ULK4: variants seen among roughly 807,000 people sequenced by gnomAD.
The protein encoded by ULK4 is unc-51 like kinase 4, also known as inactive serine/threonine-protein kinase ULK4.
Under a neutral mutation model 160.6 loss-of-function variants are expected in ULK4, and 133 were observed. That is an observed-to-expected ratio of 0.83 (90% CI 0.72 to 0.96). The LOEUF is 0.96. Ranked by LOEUF, ULK4 falls within the 40% of genes least tolerant of loss-of-function variation. The pLI, the probability that ULK4 is intolerant of heterozygous loss-of-function variation, is 0.00. For synonymous variants in ULK4, 534 were observed against 539.8 expected (o/e 0.99, Z 0.15); for missense variants, 1,580 against 1,499.5 (o/e 1.05, Z -0.89).
chr3:41,336,544 C>T (rs560640400), intron 35 of ULK4, among the ~76,000 whole-genome samples: 11 of 152,280 alleles, frequency 7.2e-5, no homozygotes, highest in East Asian at 1.9e-4. Flanking sequence ...TGGCGTAAGG[C>T]GAGAACTTGC....
intron 35 of ULK4, among the ~76,000 whole-genome samples, chr3:41,341,259 T>A (rs969834220): frequency 2.6e-5 from 4 of 152,236 alleles, no homozygotes; most frequent in African/African-American, 9.6e-5. Context: ...GAACACAGAC[T>A]GATATAGGAT....
intron 30 of ULK4, among the ~76,000 whole-genome samples, chr3:41,634,594 C>G (rs1244826748): frequency 6.6e-6 from 1 of 152,092 alleles, no homozygotes; most frequent in Non-Finnish European, 1.5e-5. Flanking sequence ...CTGCATGGTC[C>G]CTTTAGAGGA....
chr3:41,577,589 C>T (rs1034324489), intron 31 of ULK4, among the ~76,000 whole-genome samples: 1 of 150,902 alleles, frequency 6.6e-6, no homozygotes, highest in African/African-American at 2.4e-5. Flanking sequence ...CCCCCATTAA[C>T]CATCCCCACC....
Position 41,506,781 on chromosome 3 carries a change from T to TAA in ULK4, c.3227-43529_3227-43528insTT, listed in dbSNP as rs1407378193. ...GTGTGATTTAAAATATATATATATA[T>TAA]ATATATATATATATATATATATATA... is the stretch of plus-strand genomic sequence containing the variant. On this transcript the variant is annotated intron_variant, in intron 32 of 36. Transcript: ENST00000301831. 7.2e-4 allele frequency among the ~76,000 whole-genome samples: 16 copies of TAA among 22,114 alleles called. 4 individuals are homozygous for TAA. Among genetic ancestry groups the TAA allele is most frequent in the Non-Finnish European group, 1.1e-3 (8 of 7,200 alleles). The allele number at this position is 22,114 out of a possible 152,430, so 14.5% of individuals were successfully genotyped here.
intron 30 of ULK4, among the ~76,000 whole-genome samples, chr3:41,658,690 T>G (rs193025271): frequency 1.2e-3 from 177 of 151,520 alleles, no homozygotes; most frequent in Admixed American, 9.7e-3. Flanking sequence ...GGTCCAGAAA[T>G]GGTATAGACA....
intron 30 of ULK4, among the ~76,000 whole-genome samples, chr3:41,631,572 C>A (rs2033742852): frequency 6.6e-6 from 1 of 152,092 alleles, no homozygotes; most frequent in Non-Finnish European, 1.5e-5. Context: ...TACTTTCCAA[C>A]AGAATGGAGA....
chr3:41,753,560 A>G (rs1384059093), intron 22 of ULK4, among the ~76,000 whole-genome samples: 3 of 152,312 alleles, frequency 2.0e-5, no homozygotes, highest in Middle Eastern at 6.8e-3. Flanking sequence ...CTTTTAGAGC[A>G]AAGAGTTACA....
chr3:41,780,716 T>C (rs1027568071), intron 21 of ULK4, among the ~76,000 whole-genome samples: 1 of 152,174 alleles, frequency 6.6e-6, no homozygotes, highest in Non-Finnish European at 1.5e-5. Flanking sequence ...AGAGTTTCCA[T>C]AGAAACCAGA....
At chr3:41,811,890 T>C (rs1004991254) in intron 19 of ULK4, among the ~76,000 whole-genome samples, 7 of 152,228 alleles carry the variant, frequency 4.6e-5, no homozygotes, top group African/African-American at 1.7e-4. Context: ...TGTATTAAAG[T>C]AATTTTCAGT....
intron 22 of ULK4, among the ~76,000 whole-genome samples, chr3:41,732,919 G>A (rs939844288): frequency 6.6e-6 from 1 of 152,110 alleles, no homozygotes; most frequent in Non-Finnish European, 1.5e-5. Flanking sequence ...AATAGAAATA[G>A]AGAAGAGAAT....
At chr3:41,456,033 C>T (rs2125872218) in intron 33 of ULK4, among the ~76,000 whole-genome samples, 1 of 152,304 alleles carries the variant, frequency 6.6e-6, no homozygotes, top group South Asian at 2.1e-4. Context: ...ACTCAGCCTC[C>T]TGAGTAGCTA....
intron 35 of ULK4, among the ~76,000 whole-genome samples, chr3:41,385,523 TTA>T (rs2081786562): frequency 6.6e-6 from 1 of 152,040 alleles, no homozygotes; most frequent in African/African-American, 2.4e-5. Flanking sequence ...CAGAGTGAAA[TTA>T]TGTCTCTAAA....
intron 35 of ULK4, among the ~76,000 whole-genome samples, chr3:41,268,112 A>C (rs1415565225): frequency 6.6e-6 from 1 of 152,218 alleles, no homozygotes. Flanking sequence ...TCTAATGGGT[A>C]GAGCCAGAAA....
At chr3:41,357,445 C>T (rs2125768724) in intron 35 of ULK4, among the ~76,000 whole-genome samples, 1 of 152,246 alleles carries the variant, frequency 6.6e-6, no homozygotes, top group Non-Finnish European at 1.5e-5. Context: ...GAACACCCCA[C>T]AGCCTAAGAG....
chr3:41,484,373 G>C (rs909349050), intron 32 of ULK4, among the ~76,000 whole-genome samples: 3 of 151,940 alleles, frequency 2.0e-5, no homozygotes, highest in Non-Finnish European at 2.9e-5. Flanking sequence ...TTGTAACAGA[G>C]AAAACCCCCT....
At position 41,646,683 on chromosome 3, in the gene ULK4, T is replaced by TTC. The variant is rs781276817; in HGVS notation, c.3071+16922_3071+16923dup. ...ACAATTATGTGTCTTGGAGTTGCTC[T>TTC]TCTCAAGGAGTATCTTTGTGGCGTT... On this transcript the variant is annotated intron_variant, in intron 30 of 36. Transcript: ENST00000301831. 1.4e-3 allele frequency among the ~76,000 whole-genome samples: 207 copies of TTC among 152,340 alleles called. 1 individual carries two copies. Among genetic ancestry groups the TTC allele is most frequent in the Admixed American group, 3.8e-3 (58 of 15,294 alleles).
intron 12 of ULK4, among the ~76,000 whole-genome samples, chr3:41,902,007 G>A (rs896831714): frequency 4.6e-5 from 7 of 151,908 alleles, no homozygotes; most frequent in Admixed American, 3.3e-4. Flanking sequence ...GGTTCTTTGT[G>A]CTCTATTTAA....
At chr3:41,497,373 G>C (rs1359578940) in intron 32 of ULK4, among the ~76,000 whole-genome samples, 1 of 151,998 alleles carries the variant, frequency 6.6e-6, no homozygotes, top group Non-Finnish European at 1.5e-5. Context: ...GATTCAATCT[G>C]CTGAACTACA....
At chr3:41,897,302 T>TA (rs1404237098) in intron 14 of ULK4, among the ~76,000 whole-genome samples, 1 of 152,150 alleles carries the variant, frequency 6.6e-6, no homozygotes, top group African/African-American at 2.4e-5. Context: ...CAAAGTTCAA[T>TA]ACAACTGGAG....
Sources: gnomAD v4.1 joint callset for allele counts (sites outside exome capture counted in the v4.1 genomes callset) on GRCh38, gnomAD v4.1.1 for gene constraint, MANE v1.5 for transcripts, NCBI Gene and HGNC (gene_info 2026-07-23, HGNC 2026-07-21) for gene names.